Variants in KCNH5 observed in about 807,000 individuals in gnomAD.
KCNH5 encodes potassium voltage-gated channel subfamily H member 5.
Under a neutral mutation model 96.1 loss-of-function variants are expected in KCNH5, and 46 were observed. That is an observed-to-expected ratio of 0.48 (90% confidence interval 0.38 to 0.61). The LOEUF is 0.61. Among genes scored for constraint, KCNH5 ranks in the 20% least tolerant of loss-of-function variants. The pLI is 0.00. For missense variants in KCNH5, 907 were observed against 1,225.8 expected (o/e 0.74, Z 3.88); for synonymous variants, 439 against 449.8 (o/e 0.98, Z 0.30).
At chr14:63,034,807 C>A (rs1891691750) in intron 1 of KCNH5, among the ~76,000 whole-genome samples, 1 of 152,112 alleles carries the variant, frequency 6.6e-6, no homozygotes, top group African/African-American at 2.4e-5. Context: ...TTCTGAAATT[C>A]TAGTGGTAGG....
Position 62,707,800 on chromosome 14 carries a change from G to A in KCNH5, c.2675C>T (p.Ala892Val), listed in dbSNP as rs780118175. 1.2e-6 allele frequency: 2 copies of A among 1,614,138 alleles called. 1 individual carries two copies. Among genetic ancestry groups the A allele is most frequent in the South Asian group, 2.2e-5 (2 of 91,080 alleles). ...GGGATAAAAGGGGTGCTTGGCATCA[G>A]CCTGGATGGGACTGTGCTCTAGCGG... ...RSPLEHSPIQ[A>V]DAKHPFYPIP... Residue 892 changes from alanine (A) to valine (V), a missense_variant, in exon 11 of 11, where the codon GCT becomes GTT. Coordinates refer to ENST00000322893, the MANE Select transcript of KCNH5 (RefSeq NM_139318.5).
chr14:62,731,066 T>C (rs1250378327), intron 10 of KCNH5, among the ~76,000 whole-genome samples: 3 of 152,120 alleles, frequency 2.0e-5, no homozygotes, highest in African/African-American at 7.2e-5. Flanking sequence ...TTTGGGAGGC[T>C]GAGGCAGGAG....
rs1342997379 is a variant in KCNH5, at chr14:62,981,321, T to C, written c.550-57A>G. 3 of 1,535,808 alleles carry C rather than the reference T, an allele frequency of 2.0e-6. No homozygotes were observed. The African/African-American group carries it at 4.1e-5, about 21-fold the overall frequency. ...TAGGTTATCTCTGCACAGTCAGTGA[T>C]GAATTCAAATCTACTGGCAGTCAAA... On this transcript the variant is annotated intron_variant, in intron 5 of 10. Coordinates refer to ENST00000322893, the MANE Select transcript of KCNH5 (RefSeq NM_139318.5).
At chr14:62,995,429 C>A (rs1890889226) in intron 4 of KCNH5, among the ~76,000 whole-genome samples, 1 of 152,090 alleles carries the variant, frequency 6.6e-6, no homozygotes, top group African/African-American at 2.4e-5. Context: ...TGTAAACATC[C>A]TCAACTCCCA....
chr14:62,771,763 GC>G (rs1885992412), intron 10 of KCNH5, among the ~76,000 whole-genome samples: 1 of 151,958 alleles, frequency 6.6e-6, no homozygotes, highest in African/African-American at 2.4e-5. Flanking sequence ...CATCCAATGG[GC>G]CCCACTCCAT....
chr14:62,920,149 G>C (rs1468439062), intron 7 of KCNH5, among the ~76,000 whole-genome samples: 1 of 152,030 alleles, frequency 6.6e-6, no homozygotes, highest in Non-Finnish European at 1.5e-5. Flanking sequence ...AGCACTTTAG[G>C]ATACCAACTC....
intron 1 of KCNH5, among the ~76,000 whole-genome samples, chr14:63,041,360 G>A (rs1270032458): frequency 2.0e-5 from 3 of 152,114 alleles, no homozygotes; most frequent in Non-Finnish European, 4.4e-5. Context: ...AATAAAGGAA[G>A]GTATCCTAAT....
intron 8 of KCNH5, among the ~76,000 whole-genome samples, chr14:62,839,529 A>T (rs10140008): frequency 0.11 from 16,351 of 152,148 alleles, 1,094 homozygotes; most frequent in East Asian, 0.29. Context: ...ATATTTATTT[A>T]GCATTATTCT....
intron 10 of KCNH5, among the ~76,000 whole-genome samples, chr14:62,719,324 A>G (rs1595592788): frequency 6.6e-6 from 1 of 152,252 alleles, no homozygotes; most frequent in Admixed American, 6.5e-5. Flanking sequence ...ATGGCCCTGC[A>G]TATCTGCACA....
chr14:62,728,221 A>G (rs1884975443), intron 10 of KCNH5, among the ~76,000 whole-genome samples: 1 of 24,062 alleles, frequency 4.2e-5, no homozygotes, highest in East Asian at 2.9e-3. Context: ...TCTCTATTAA[A>G]CTACAAAAAA....
rs75309609 is a variant in KCNH5, at chr14:62,977,750, A to G, written c.942+3122T>C. Among the ~76,000 whole-genome samples, 532 of 152,292 alleles carry G rather than the reference A, an allele frequency of 3.5e-3. 17 individuals carry two copies. The East Asian group carries it at 0.048, about 14-fold the overall frequency. On this transcript the variant is annotated intron_variant, in intron 6 of 10. Coordinates refer to ENST00000322893, the MANE Select transcript of KCNH5 (RefSeq NM_139318.5). ...TGATATGCCACATCCCACTTGATCA[A>G]TTGAGGTCCTGTAAGGAGTAGATGC...
chr14:62,974,196 A>G (rs1566727177), intron 6 of KCNH5, among the ~76,000 whole-genome samples: 2 of 151,978 alleles, frequency 1.3e-5, no homozygotes, highest in Admixed American at 6.5e-5. Flanking sequence ...TCCCAATTTC[A>G]TTTTTGACCT....
intron 4 of KCNH5, among the ~76,000 whole-genome samples, chr14:62,999,041 G>A (rs1012292983): frequency 5.9e-5 from 9 of 152,250 alleles, no homozygotes; most frequent in Non-Finnish European, 8.8e-5. Context: ...AGTCCTTTGG[G>A]TATATACCCT....
rs114341754 is a variant in KCNH5, at chr14:62,981,217, C to G, written c.597G>C (p.Ala199=). The change falls in exon 6 of 11, where the codon GCG becomes GCC. Residue 199 remains alanine (A), a synonymous_variant. Transcript: ENST00000322893. ...SDILPQYKQE[A]PKTPPHIILH... ...AAATAATGTGTGGTGGCGTCTTTGG[C>G]GCTTCTTGTTTATACTGAGGAAGGA... The G allele has an allele frequency of 6.2e-7, 1 of 1,613,904 alleles. No individual in the cohort carries two copies. The highest frequency in any genetic ancestry group is 1.3e-5 in the African/African-American group (1 of 74,920).
intron 7 of KCNH5, among the ~76,000 whole-genome samples, chr14:62,906,885 CAA>C (rs2140097302): frequency 6.6e-6 from 1 of 152,224 alleles, no homozygotes; most frequent in Admixed American, 6.5e-5. Context: ...CAACCGACCC[CAA>C]AGTGTTCTCA....
At chr14:62,965,554 TAAA>T (rs1890289713) in intron 6 of KCNH5, among the ~76,000 whole-genome samples, 1 of 152,174 alleles carries the variant, frequency 6.6e-6, no homozygotes, top group Admixed American at 6.6e-5. Context: ...AGCTGTGAGC[TAAA>T]TAGGCTTCTT....
chr14:62,788,348 A>C (rs1273284838), intron 9 of KCNH5, among the ~76,000 whole-genome samples: 1 of 152,132 alleles, frequency 6.6e-6, no homozygotes, highest in Non-Finnish European at 1.5e-5. Flanking sequence ...CGCACTATAA[A>C]ACCAACAGGT....
At chr14:62,757,525 G>C (rs111230787) in intron 10 of KCNH5, among the ~76,000 whole-genome samples, 4,504 of 151,760 alleles carry the variant, frequency 0.03, 165 homozygotes, top group East Asian at 0.093. Flanking sequence ...CAATAGCCAA[G>C]TTTTGGAAGC....
chr14:62,747,633 T>C (rs1271298543), intron 10 of KCNH5, among the ~76,000 whole-genome samples: 1 of 152,190 alleles, frequency 6.6e-6, no homozygotes, highest in Non-Finnish European at 1.5e-5. Flanking sequence ...CTAATGCTAA[T>C]CTCAGCACAT....
Sources: allele counts gnomAD v4.1 joint callset (sites outside exome capture counted in the v4.1 genomes callset), GRCh38; gene constraint gnomAD v4.1.1; transcripts MANE v1.5; gene names NCBI Gene and HGNC (gene_info 2026-07-23, HGNC 2026-07-21).